RPS17: variants seen among roughly 807,000 people sequenced by gnomAD.
RPS17 encodes the protein small ribosomal subunit protein eS17.
For synonymous variants in RPS17, 75 were observed against 65.6 expected, an observed-to-expected ratio of 1.14 and a Z score of -0.70; for missense variants, 68 against 182.3, an observed-to-expected ratio of 0.37 and a Z score of 3.61.
intron 4 of RPS17, 42 bp from the exon 5 acceptor site, chr15:82,536,923 ATC>A (rs1454805648): frequency 6.2e-7 from 1 of 1,610,594 alleles, no homozygotes; most frequent in Non-Finnish European, 8.5e-7. Flanking sequence ...TACTGGTGAG[ATC>A]TGTGAGTGGA....
chr15:82,537,566 G>A (rs2034262933), intron 4 of RPS17: 1 of 328,672 alleles, frequency 3.0e-6, no homozygotes, highest in Non-Finnish European at 5.9e-6. Context: ...CTTATACCTG[G>A]AACTCCATGT....
intron 2 of RPS17, 30 bp from the exon 3 acceptor site, chr15:82,539,015 G>A (rs919417): frequency 0.39 from 627,032 of 1,606,482 alleles, 124,174 homozygotes; most frequent in East Asian, 0.49. Flanking sequence ...AAAGAGAACA[G>A]TGAGAAGACA....
chr15:82,538,870 G>A lies in RPS17; in HGVS notation c.261+10C>T. 1 of 1,613,730 alleles carries A rather than the reference G, an allele frequency of 6.2e-7. No homozygotes were observed. The highest frequency in any genetic ancestry group is 8.5e-7 in the Non-Finnish European group (1 of 1,179,718). Reference sequence around the variant, plus strand: ...GATTAGCCAGAAGCCCAAATATCCAGAAAGTTTACCTCAGGAACATAATTG... The same window carrying A: ...GATTAGCCAGAAGCCCAAATATCCAAAAAGTTTACCTCAGGAACATAATTG... On this transcript the variant is annotated intron_variant, in intron 3 of 4. Coordinates refer to ENST00000647841, the MANE Select transcript of RPS17 (RefSeq NM_001021.6).
At position 82,538,371 on chromosome 15, in the gene RPS17, C is replaced by T. The variant is rs1167462890; in HGVS notation, c.262G>A (p.Val88Ile). 6.2e-6 allele frequency: 10 copies of T among 1,612,116 alleles called. No individual in the cohort carries two copies. In the Admixed American group the frequency reaches 1.7e-4, roughly 27 times the overall value. Residue 88 changes from valine to isoleucine, a missense_variant and splice_region_variant, in exon 4 of 5, where the codon GTC becomes ATC. Transcript: ENST00000647841. ...RERRDNYVPEVSALDQEIIEV... is the reference protein window; with the variant it reads ...RERRDNYVPEISALDQEIIEV... ...ATAATCTCCTGATCCAAGGCTGAGACCTACAAGGAAACGAGGTAGGGTCAA... is the reference window on the plus strand; with the variant it reads ...ATAATCTCCTGATCCAAGGCTGAGATCTACAAGGAAACGAGGTAGGGTCAA...
intron 3 of RPS17, 121 bp downstream of exon 3, chr15:82,538,759 G>T: frequency 3.7e-6 from 4 of 1,076,510 alleles, no homozygotes; most frequent in Non-Finnish European, 5.8e-6. Flanking sequence ...GGCACCCACA[G>T]CTGGTTATGG....
In RPS17 at chr15:82,539,836, C is replaced by G. The variant is rs1037212401; in HGVS notation, c.155+145G>C. 4 of 1,399,118 alleles carry G rather than the reference C, an allele frequency of 2.9e-6. No individual in the cohort carries two copies. In the African/African-American group the frequency reaches 5.7e-5, roughly 20 times the overall value. 86.7% of individuals were successfully genotyped at this position (1,399,118 alleles called of 1,614,324 possible). ...CTAAGTTCACAACAGAAATCCTGCA[C>G]ACGCAGAGCTCTAGCCCTTCTCCGG... is the stretch of plus-strand genomic sequence containing the variant. On this transcript the variant is annotated intron_variant, in intron 2 of 4. Coordinates refer to ENST00000647841, the MANE Select transcript of RPS17 (RefSeq NM_001021.6).
intron 2 of RPS17, chr15:82,539,263 CA>C: frequency 4.9e-6 from 3 of 616,264 alleles, no homozygotes; most frequent in South Asian, 4.6e-5. Flanking sequence ...CGACCCTTCA[CA>C]GCCTTCATTT....
chr15:82,538,088 G>A (rs2034272832), intron 4 of RPS17: 1 of 612,356 alleles, frequency 1.6e-6, no homozygotes, highest in Non-Finnish European at 3.1e-6. Flanking sequence ...AAGGTGTCCT[G>A]GAAGCCACTA....
intron 2 of RPS17, 27 bp downstream of exon 2, chr15:82,539,954 C>A (rs2034316154): frequency 6.2e-7 from 1 of 1,611,850 alleles, no homozygotes; most frequent in Non-Finnish European, 8.5e-7. Context: ...TCGCGGAGCC[C>A]CGGAGGCCGA....
At position 82,538,997 on chromosome 15, in the gene RPS17, A is replaced by G; in HGVS notation, c.156-12T>C. The G allele has an allele frequency of 6.2e-7, 1 of 1,613,370 alleles. No homozygotes were observed. Among genetic ancestry groups the G allele is most frequent in the Non-Finnish European group, 8.5e-7 (1 of 1,179,342 alleles). The stretch of plus-strand genomic sequence containing the variant: ...GATGCGTGACATAACTACAAAGCAC[A>G]CACAGCCAAAGAGAACAGTGAGAAG... On this transcript the variant is annotated splice_polypyrimidine_tract_variant and intron_variant, in intron 2 of 4. Transcript: ENST00000647841.
At chr15:82,539,622 G>A (rs1346454542) in intron 2 of RPS17, 10 of 415,512 alleles carry the variant, frequency 2.4e-5, no homozygotes, top group Non-Finnish European at 4.1e-5. Flanking sequence ...CCGGGAGACG[G>A]AGGTTGCAGT....
Position 82,536,809 on chromosome 15 carries a change from G to T in RPS17, c.400C>A (p.Pro134Thr). Residue 134 changes from proline to threonine, a missense_variant, in exon 5 of 5, where the codon CCT (proline) becomes ACT (threonine). By Grantham distance (38) the Pro-to-Thr change is conservative (BLOSUM62 -1). Transcript: ENST00000647841. Reference sequence around the variant, plus strand: ...AGCACTACAGAAAAAATTCAAACAGGTCCCCGAGGCGTTTTGAAATTCATC... The same window carrying T: ...AGCACTACAGAAAAAATTCAAACAGTTCCCCGAGGCGTTTTGAAATTCATC... ...VGMNFKTPRG[P>T]V 3.7e-6 allele frequency: 6 copies of T among 1,613,950 alleles called. 1 individual carries two copies. Among genetic ancestry groups the T allele is most frequent in the South Asian group, 3.3e-5 (3 of 91,068 alleles).
intron 4 of RPS17, chr15:82,537,809 A>C: frequency 2.2e-6 from 1 of 452,100 alleles, no homozygotes; most frequent in South Asian, 1.6e-5. Flanking sequence ...CCAACCGCCC[A>C]TGAAGCCCAT....
chr15:82,539,295 A>G, intron 2 of RPS17: 1 of 545,558 alleles, frequency 1.8e-6, no homozygotes, highest in Non-Finnish European at 3.5e-6. Context: ...TCAAATTCAC[A>G]TAACTTGGCA....
At chr15:82,538,837 C>G in intron 3 of RPS17, 43 bp downstream of exon 3, 1 of 1,595,448 alleles carries the variant, frequency 6.3e-7, no homozygotes, top group Non-Finnish European at 8.6e-7. Flanking sequence ...ATAGCTTTAT[C>G]ATTTGAGGAT....
At chr15:82,538,180 A>T in intron 4 of RPS17, 126 bp downstream of exon 4, 1 of 1,000,800 alleles carries the variant, frequency 1.0e-6, no homozygotes. Flanking sequence ...AGTCCAGTTT[A>T]GTGGCTACAA....
At chr15:82,540,334 C>G (rs2034328095) in intron 1 of RPS17, 92 bp downstream of exon 1, 1 of 1,580,044 alleles carries the variant, frequency 6.3e-7, no homozygotes, top group Admixed American at 1.9e-5. Context: ...TGCGCCTTCC[C>G]GGCCCAGGGC....
chr15:82,536,933 G>A, intron 4 of RPS17, 52 bp from the exon 5 acceptor site: 2 of 1,606,018 alleles, frequency 1.2e-6, no homozygotes, highest in South Asian at 2.2e-5. Context: ...ATCTGTGAGT[G>A]GACCCCAGAA....
chr15:82,539,790 G>T, intron 2 of RPS17, 191 bp downstream of exon 2: 1 of 999,556 alleles, frequency 1.0e-6, no homozygotes, highest in Non-Finnish European at 1.6e-6. Context: ...CAGGGTCACC[G>T]CGGCCAGTCA....
Sources: allele counts gnomAD v4.1 joint callset, GRCh38; gene constraint gnomAD v4.1.1; transcripts MANE v1.5; gene names NCBI Gene and HGNC (gene_info 2026-07-23, HGNC 2026-07-21).